The following FBN2 variants were observed in gnomAD, a reference collection of about 807,000 sequenced individuals.
FBN2 encodes the protein fibrillin 2.
FBN2 carries 105 observed loss-of-function variants against 355.6 expected under a neutral mutation model. That is an observed-to-expected ratio of 0.30 (90% CI 0.25 to 0.35). The LOEUF (loss-of-function observed/expected upper bound fraction) is 0.35. Among genes scored for constraint, FBN2 ranks in the 10% least tolerant of loss-of-function variants. The probability of loss-of-function intolerance (pLI) is 1.00; values close to 1 mark genes in which losing one functional copy is unlikely to be tolerated. For missense variants in FBN2, 3,280 were observed against 3,758.7 expected (o/e 0.87, Z 3.33); for synonymous variants, 1,350 against 1,301.2 (o/e 1.04, Z -0.81).
At chr5:128,503,977 T>G (rs2127143594) in intron 5 of FBN2, among the ~76,000 whole-genome samples, 1 of 152,206 alleles carries the variant, frequency 6.6e-6, no homozygotes, top group Admixed American at 6.5e-5. Flanking sequence ...TATGCAGCCT[T>G]GGGACATAGT....
Position 128,378,811 on chromosome 5 carries a change from A to G in FBN2, c.1683T>C (p.His561=). Residue 561 remains histidine, a synonymous_variant, in exon 12 of 65, where the codon CAT becomes CAC. Transcript: ENST00000262464. ...NTPGSYYCKC[H]AGFQRTPTKQ... ...TGGTAGGAGTCCTCTGGAATCCAGC[A>G]TGACATTTACAATAATAGGAACCAG... is the stretch of plus-strand genomic sequence containing the variant. 4.3e-6 allele frequency: 7 copies of G among 1,613,314 alleles called. No individual in the cohort carries two copies. The highest frequency in any genetic ancestry group is 5.9e-6 in the Non-Finnish European group (7 of 1,179,432).
intron 36 of FBN2, among the ~76,000 whole-genome samples, chr5:128,315,801 C>T (rs1378493061): frequency 6.6e-6 from 1 of 152,154 alleles, no homozygotes; most frequent in Non-Finnish European, 1.5e-5. Flanking sequence ...GAAGTTCTTT[C>T]TATTGACTAA....
intron 34 of FBN2, among the ~76,000 whole-genome samples, chr5:128,321,878 A>G (rs1581214678): frequency 6.6e-6 from 1 of 152,198 alleles, no homozygotes; most frequent in Non-Finnish European, 1.5e-5. Flanking sequence ...ACTGTCCTCC[A>G]CAATGGTTGA....
chr5:128,501,001 A>C (rs1188195659), intron 5 of FBN2, among the ~76,000 whole-genome samples: 2 of 152,184 alleles, frequency 1.3e-5, no homozygotes, highest in Non-Finnish European at 2.9e-5. Flanking sequence ...CAAAGAACAT[A>C]AGAACAAAGG....
chr5:128,337,319 A>T (rs945408330), intron 27 of FBN2, among the ~76,000 whole-genome samples: 1 of 152,180 alleles, frequency 6.6e-6, no homozygotes, highest in Non-Finnish European at 1.5e-5. Flanking sequence ...TTGGTGTGCA[A>T]TCTGTTCTAT....
intron 15 of FBN2, among the ~76,000 whole-genome samples, chr5:128,372,067 C>T (rs973797282): frequency 3.9e-5 from 6 of 152,104 alleles, no homozygotes; most frequent in East Asian, 1.9e-4. Context: ...TAACTTATTG[C>T]GCATTTGCTA....
intron 14 of FBN2, among the ~76,000 whole-genome samples, 158 bp downstream of exon 14, chr5:128,376,573 T>C (rs1752082683): frequency 6.6e-6 from 1 of 152,204 alleles, no homozygotes; most frequent in African/African-American, 2.4e-5. Flanking sequence ...AATGTGTGTT[T>C]TTCTAGAAAG....
intron 25 of FBN2, among the ~76,000 whole-genome samples, chr5:128,340,857 C>G (rs1319646232): frequency 6.6e-6 from 1 of 152,096 alleles, no homozygotes; most frequent in Non-Finnish European, 1.5e-5. Context: ...GCAAACTTCT[C>G]TGCTAAGAAT....
intron 5 of FBN2, among the ~76,000 whole-genome samples, chr5:128,486,971 T>C (rs1475338722): frequency 6.6e-6 from 1 of 152,206 alleles, no homozygotes; most frequent in Non-Finnish European, 1.5e-5. Context: ...ATGGCTAGTT[T>C]CTTCTCATTC....
chr5:128,423,253 C>T (rs146739275), intron 7 of FBN2, among the ~76,000 whole-genome samples: 8 of 152,206 alleles, frequency 5.3e-5, no homozygotes, highest in South Asian at 2.1e-4. Context: ...TGTATTAGTC[C>T]GTTCTCACAC....
chr5:128,310,381 TATATATATATATATATA>T (rs1750004765), intron 39 of FBN2, among the ~76,000 whole-genome samples: 1 of 12,132 alleles, frequency 8.2e-5, no homozygotes, highest in African/African-American at 3.6e-4. Context: ...TATATATATA[TATATATATATATATATA>T]TATATTTTTT....
At chr5:128,443,689 A>G (rs1284888335) in intron 7 of FBN2, among the ~76,000 whole-genome samples, 2 of 152,210 alleles carry the variant, frequency 1.3e-5, no homozygotes, top group Non-Finnish European at 2.9e-5. Flanking sequence ...TTAAAGACCA[A>G]AAAAGGTTTT....
chr5:128,335,252 G>T lies in FBN2; in HGVS notation c.3891C>A (p.Gly1297=), dbSNP rs1750803422. The T allele has an allele frequency of 5.6e-6, 9 of 1,614,044 alleles. No individual in the cohort carries two copies. Among genetic ancestry groups the T allele is most frequent in the Non-Finnish European group, 7.6e-6 (9 of 1,179,940 alleles). Residue 1297 remains glycine, a synonymous_variant, in exon 30 of 65, where the codon GGC becomes GGA. Transcript: ENST00000262464. ...ACTCTCCAGGAATGTTGGTACACTGGCCGCCATCACAGATATCAGGATTGT... is the reference window on the plus strand; with the variant it reads ...ACTCTCCAGGAATGTTGGTACACTGTCCGCCATCACAGATATCAGGATTGT... ...CENNPDICDG[G]QCTNIPGEYR...
chr5:128,408,548 TTACATTAAA>T lies in FBN2; in HGVS notation c.1078+117_1078+125del, dbSNP rs564944134. 2,036 of 1,140,302 alleles carry T rather than the reference TTACATTAAA, an allele frequency of 1.8e-3. 23 individuals are homozygous for T. Among genetic ancestry groups the T allele is most frequent in the South Asian group, 0.014 (1,094 of 77,754 alleles). 70.6% of individuals were successfully genotyped at this position (1,140,302 alleles called of 1,614,324 possible). ...ATCAATCCCTCAATACTGGTACCGT[TTACATTAAA>T]CAACTCATTCAGCCATTTCTTCAAT... is the stretch of plus-strand genomic sequence containing the variant. On this transcript the variant is annotated intron_variant, in intron 8 of 64. Coordinates refer to ENST00000262464, the MANE Select transcript of FBN2 (RefSeq NM_001999.4).
At chr5:128,534,972 A>G (rs1362219578) in intron 2 of FBN2, among the ~76,000 whole-genome samples, 1 of 152,216 alleles carries the variant, frequency 6.6e-6, no homozygotes, top group African/African-American at 2.4e-5. Flanking sequence ...TAGCTGTTTC[A>G]GGAGTCTAAA....
chr5:128,286,522 G>C (rs986557156), intron 55 of FBN2, among the ~76,000 whole-genome samples, 196 bp downstream of exon 55: 1 of 152,260 alleles, frequency 6.6e-6, no homozygotes, highest in South Asian at 2.1e-4. Context: ...ATGTATTCTT[G>C]AGCAGGCATA....
chr5:128,301,537 C>A, intron 46 of FBN2, 27 bp from the exon 47 acceptor site: 1 of 1,609,186 alleles, frequency 6.2e-7, no homozygotes, highest in South Asian at 1.1e-5. Flanking sequence ...GTATGTTTTT[C>A]AGAAAGAGCT....
intron 8 of FBN2, among the ~76,000 whole-genome samples, 184 bp from the exon 9 acceptor site, chr5:128,395,458 G>A (rs567595511): frequency 4.6e-5 from 7 of 152,158 alleles, no homozygotes; most frequent in Non-Finnish European, 8.8e-5. Context: ...AATGAAAGAC[G>A]TGGAGCAGAT....
chr5:128,260,591 C>T (rs184668695), intron 64 of FBN2, among the ~76,000 whole-genome samples: 52 of 152,270 alleles, frequency 3.4e-4, no homozygotes, highest in African/African-American at 1.2e-3. Context: ...TCCTAGTACC[C>T]CAATGGGAAA....
Sources: allele counts gnomAD v4.1 joint callset (sites outside exome capture counted in the v4.1 genomes callset), GRCh38; gene constraint gnomAD v4.1.1; transcripts MANE v1.5; gene names NCBI Gene and HGNC (gene_info 2026-07-23, HGNC 2026-07-21).